TFB1M: variants seen among roughly 807,000 people sequenced by gnomAD.
TFB1M encodes dimethyladenosine transferase 1, mitochondrial.
Under a neutral mutation model 31.1 loss-of-function variants are expected in TFB1M, and 27 were observed. The observed-to-expected ratio is 0.87, with a 90% CI of 0.64 to 1.20. The LOEUF is 1.20. Among genes scored for constraint, TFB1M ranks in the 50% most tolerant of loss-of-function variants. TFB1M has a pLI of 0.00. For missense variants in TFB1M, 394 were observed against 418.7 expected, an observed-to-expected ratio of 0.94 and a Z score of 0.51; for synonymous variants, 166 against 151.8, an observed-to-expected ratio of 1.09 and a Z score of -0.69.
rs184986902 is a variant in TFB1M at position 155,306,029 on chromosome 6, A to G, written c.285+5159T>C. ...AAAATTCAATAAGACAAAAAAAGTA[A>G]AAGTACTAAAAATATTTGAACAAAT... is the stretch of plus-strand genomic sequence containing the variant. On this transcript the variant is annotated intron_variant, in intron 2 of 6. Transcript: ENST00000367166. Among the ~76,000 whole-genome samples, 485 of 152,038 alleles carry G rather than the reference A, an allele frequency of 3.2e-3. 1 individual carries two copies. Among genetic ancestry groups the G allele is most frequent in the South Asian group, 0.013 (62 of 4,828 alleles).
downstream of TFB1M, among the ~76,000 whole-genome samples, chr6:155,252,400 T>G (rs1783716314): frequency 6.6e-6 from 1 of 151,944 alleles, no homozygotes; most frequent in Non-Finnish European, 1.5e-5. Flanking sequence ...GCCCAGGAGG[T>G]GGAAGCTGCA....
At chr6:155,271,968 T>C (rs1486613291) in intron 5 of TFB1M, among the ~76,000 whole-genome samples, 2 of 152,248 alleles carry the variant, frequency 1.3e-5, no homozygotes, top group South Asian at 2.1e-4. Flanking sequence ...AAAAATGAGA[T>C]GGAGAACCTG....
chr6:155,258,283 C>T (rs187397294), intron 6 of TFB1M, among the ~76,000 whole-genome samples: 45 of 152,262 alleles, frequency 3.0e-4, no homozygotes, highest in Non-Finnish European at 4.7e-4. Flanking sequence ...ACCTGAGGCG[C>T]GAGGCAAGCA....
At chr6:155,281,821 T>TAA (rs34485998) in intron 5 of TFB1M, among the ~76,000 whole-genome samples, 52 of 150,192 alleles carry the variant, frequency 3.5e-4, no homozygotes, top group Middle Eastern at 3.4e-3. Flanking sequence ...CCATAATTCA[T>TAA]AAAAAAAAAG....
At chr6:155,313,543 C>T (rs1224230430) in intron 1 of TFB1M, among the ~76,000 whole-genome samples, 1 of 152,124 alleles carries the variant, frequency 6.6e-6, no homozygotes, top group Admixed American at 6.5e-5. Flanking sequence ...TAGAACATCA[C>T]TAAGCAATGG....
At chr6:155,275,789 G>T (rs765787914) in intron 5 of TFB1M, 2 of 1,614,102 alleles carry the variant, frequency 1.2e-6, no homozygotes, top group South Asian at 2.2e-5. Context: ...AGTGCTCACA[G>T]CCACTCTGCT....
chr6:155,243,780 G>C, the TFB1M span, among the ~76,000 whole-genome samples: 4 of 135,442 alleles, frequency 3.0e-5, no homozygotes, highest in African/African-American at 1.1e-4. Flanking sequence ...CCAGGAGGCA[G>C]AGGTTGCAGT....
chr6:155,267,940 GTAATTTGTCCAC>G (rs1335930796), intron 5 of TFB1M, among the ~76,000 whole-genome samples: 5 of 152,192 alleles, frequency 3.3e-5, no homozygotes, highest in Non-Finnish European at 7.3e-5. Flanking sequence ...AGATTTTTCT[GTAATTTGTCCAC>G]TGAAACATCT....
intron 4 of TFB1M, among the ~76,000 whole-genome samples, chr6:155,285,530 A>G (rs1436063687): frequency 2.0e-5 from 3 of 152,222 alleles, no homozygotes; most frequent in Non-Finnish European, 2.9e-5. Flanking sequence ...TGCTCTACCA[A>G]TGGCTGTTGG....
chr6:155,281,721 CAA>C (rs1217317032), intron 5 of TFB1M, among the ~76,000 whole-genome samples: 1,837 of 62,958 alleles, frequency 0.029, 13 homozygotes, highest in African/African-American at 0.058. Flanking sequence ...GACTCTGTCT[CAA>C]AAAAAAAAAA....
Position 155,256,215 on chromosome 6 carries a change from A to T in TFB1M, c.*1621T>A, listed in dbSNP as rs747065683. On this transcript the variant is annotated 3_prime_UTR_variant, in exon 7 of 7. Coordinates refer to ENST00000367166, the MANE Select transcript of TFB1M (RefSeq NM_016020.4). ...GCAAAATAAGAATCTTAGCCCATGT[A>T]GTAGTTTCTAGTGTCTAGTTCTATT... 2.9e-5 allele frequency: 17 copies of T among 576,904 alleles called. No homozygotes were observed. Among genetic ancestry groups the T allele is most frequent in the Admixed American group, 1.4e-4 (4 of 28,610 alleles). 35.7% of individuals were successfully genotyped at this position (576,904 alleles called of 1,614,324 possible).
the TFB1M span, among the ~76,000 whole-genome samples, chr6:155,246,746 T>C: frequency 0.34 from 52,193 of 151,804 alleles, 9,661 homozygotes; most frequent in Middle Eastern, 0.5. Context: ...AATGGCTTGC[T>C]CCATTCCTCC....
chr6:155,306,448 T>C (rs1441965600), intron 2 of TFB1M, among the ~76,000 whole-genome samples: 1 of 152,072 alleles, frequency 6.6e-6, no homozygotes, highest in African/African-American at 2.4e-5. Context: ...TATTACAGTA[T>C]AAGAGCCAAA....
intron 5 of TFB1M, among the ~76,000 whole-genome samples, chr6:155,265,725 TATAA>T (rs952327947): frequency 6.9e-5 from 10 of 145,700 alleles, no homozygotes; most frequent in Admixed American, 2.8e-4. Flanking sequence ...TTATATATAA[TATAA>T]ATATATATTA....
the TFB1M span, among the ~76,000 whole-genome samples, chr6:155,234,004 G>T: frequency 1.1e-4 from 16 of 144,584 alleles, no homozygotes; most frequent in African/African-American, 3.3e-4. Context: ...AATTTTTTTT[G>T]GGGGGGGGTT....
At chr6:155,283,348 C>A (rs781297277) in intron 5 of TFB1M, among the ~76,000 whole-genome samples, 5 of 152,060 alleles carry the variant, frequency 3.3e-5, no homozygotes, top group Non-Finnish European at 5.9e-5. Context: ...ACAAATAAAT[C>A]CCCTGTATGT....
In TFB1M at chr6:155,258,009, G is replaced by C; in HGVS notation, c.868C>G (p.Leu290Val). The change falls in exon 7 of 7, where the codon CTT becomes GTT. Residue 290 changes from leucine (L) to valine (V), a missense_variant. Physicochemically the swap from Leu to Val is conservative, Grantham distance 32 (BLOSUM62 1). This residue lies in a region of TFB1M where 115 missense variants were observed against 144.1 expected (regional missense o/e 0.80). Coordinates refer to ENST00000367166, the MANE Select transcript of TFB1M (RefSeq NM_016020.4). ...GAGATGGAGAGCTGGCGGGGCCGAAGAGTAGGGTCTATGTCTGCCAACTCT... is the reference window on the plus strand; with the variant it reads ...GAGATGGAGAGCTGGCGGGGCCGAACAGTAGGGTCTATGTCTGCCAACTCT... Reference protein sequence around the residue: ...LLELADIDPTLRPRQLSISHF... With the variant: ...LLELADIDPTVRPRQLSISHF... 6.2e-7 allele frequency: 1 copy of C among 1,614,242 alleles called. No individual in the cohort carries two copies. The highest frequency in any genetic ancestry group is 8.5e-7 in the Non-Finnish European group (1 of 1,180,038).
At chr6:155,255,597 T>C (rs1413979373), downstream of TFB1M, 2 of 148,278 alleles carry the variant, frequency 1.3e-5, no homozygotes, top group Non-Finnish European at 3.0e-5. Flanking sequence ...CTTCCTTCTT[T>C]CAATCCAAGA....
chr6:155,247,547 C>A, the TFB1M span, among the ~76,000 whole-genome samples: 1 of 152,140 alleles, frequency 6.6e-6, no homozygotes, highest in African/African-American at 2.4e-5. Flanking sequence ...AGGCTGGTCT[C>A]GAACTCGTGA....
Sources: gnomAD v4.1 joint callset for allele counts (sites outside exome capture counted in the v4.1 genomes callset) on GRCh38, gnomAD v4.1.1 for gene constraint, gnomAD v4.1.1 regional missense constraint, MANE v1.5 for transcripts, NCBI Gene and HGNC (gene_info 2026-07-23, HGNC 2026-07-21) for gene names.